RGS7: variants seen among roughly 807,000 people sequenced by gnomAD.
RGS7 encodes regulator of G protein signaling 7.
Under a neutral mutation model 81.1 loss-of-function variants are expected in RGS7, and 27 were observed. The observed-to-expected ratio is 0.33, with a 90% CI of 0.25 to 0.46. The LOEUF (loss-of-function observed/expected upper bound fraction) is 0.46. Among genes scored for constraint, RGS7 ranks in the 20% least tolerant of loss-of-function variants. RGS7 has a pLI of 1.00. For missense variants in RGS7, 396 were observed against 607.4 expected (o/e 0.65, Z 3.66); for synonymous variants, 208 against 207.7 (o/e 1.00, Z -0.01).
rs146587684 is a variant in RGS7 at position 241,211,101 on chromosome 1, A to T, written c.79-112339T>A. On this transcript the variant is annotated intron_variant, in intron 2 of 18. Transcript: ENST00000440928. Reference sequence around the variant, plus strand: ...GGAGTTCAAAACCAGCCTGGCCAACATGGTAAAACCCCATCTCTACTAAAA... The same window carrying T: ...GGAGTTCAAAACCAGCCTGGCCAACTTGGTAAAACCCCATCTCTACTAAAA... Among the ~76,000 whole-genome samples the T allele has an allele frequency of 9.1e-3, 1,383 of 152,256 alleles. 16 individuals carry two copies. Among genetic ancestry groups the T allele is most frequent in the Non-Finnish European group, 0.012 (806 of 68,016 alleles).
intron 2 of RGS7, among the ~76,000 whole-genome samples, chr1:241,254,198 CAAAAAAAAAAA>C (rs57205542): frequency 3.0e-4 from 19 of 64,364 alleles, no homozygotes; most frequent in Non-Finnish European, 5.1e-4. Context: ...GACTCCATCT[CAAAAAAAAAAA>C]AAAAAAAGAA....
intron 2 of RGS7, among the ~76,000 whole-genome samples, chr1:241,112,403 C>G (rs766279784): frequency 6.6e-6 from 1 of 151,906 alleles, no homozygotes; most frequent in Non-Finnish European, 1.5e-5. Flanking sequence ...CTGGCTTAGT[C>G]CATGAAACAA....
chr1:240,950,422 C>T (rs932725188), intron 4 of RGS7, among the ~76,000 whole-genome samples: 1 of 152,150 alleles, frequency 6.6e-6, no homozygotes, highest in African/African-American at 2.4e-5. Context: ...ACTACAGTCC[C>T]CTCTAGACTT....
chr1:241,127,547 T>TG (rs2066751113), intron 2 of RGS7, among the ~76,000 whole-genome samples: 2 of 151,798 alleles, frequency 1.3e-5, no homozygotes, highest in African/African-American at 2.4e-5. Context: ...TGTTGTGGCG[T>TG]GGGGGGAGCG....
At chr1:241,158,564 G>A (rs958294712) in intron 2 of RGS7, among the ~76,000 whole-genome samples, 3 of 152,182 alleles carry the variant, frequency 2.0e-5, no homozygotes, top group Admixed American at 1.3e-4. Context: ...AAGTGCAGCC[G>A]TGTTAATGTT....
chr1:240,879,090 C>G (rs1170723502), intron 6 of RGS7, among the ~76,000 whole-genome samples: 1 of 152,124 alleles, frequency 6.6e-6, no homozygotes, highest in African/African-American at 2.4e-5. Context: ...ATATTCCTAC[C>G]TTCATTCCAG....
rs528606729 is a variant in RGS7 at position 240,868,589 on chromosome 1, C to T, written c.607G>A (p.Val203Met). ...ERAFWDVHRPVPGCVNTTEVD... is the reference protein window; with the variant it reads ...ERAFWDVHRPMPGCVNTTEVD... ...ACGAGAGTGCGACGCTTGCTTACCA[C>T]GGGCCTGTGCACGTCCCAGAACGCT... The change falls in exon 9 of 19, where the codon GTG becomes ATG. Residue 203 changes from valine (V) to methionine (M), a missense_variant and splice_region_variant. Coordinates refer to ENST00000440928, the MANE Select transcript of RGS7 (RefSeq NM_001364886.1). The surrounding 1 kb of genome is among the most constrained non-coding windows in gnomAD (Gnocchi z 5.1). 14 of 1,613,974 alleles carry T rather than the reference C, an allele frequency of 8.7e-6. No individual in the cohort carries two copies. Among genetic ancestry groups the T allele is most frequent in the South Asian group, 6.6e-5 (6 of 91,076 alleles).
chr1:240,924,286 A>G (rs553859545), intron 6 of RGS7, among the ~76,000 whole-genome samples: 1 of 152,244 alleles, frequency 6.6e-6, no homozygotes, highest in South Asian at 2.1e-4. Flanking sequence ...TTTTATTATT[A>G]CTTTAGTATG....
intron 9 of RGS7, among the ~76,000 whole-genome samples, chr1:240,860,041 T>C (rs564357645): frequency 9.2e-5 from 14 of 152,336 alleles, no homozygotes; most frequent in African/African-American, 3.1e-4. Flanking sequence ...TCTAGTTTTA[T>C]ATCATTTTGG....
chr1:240,917,233 C>A (rs1672756784), intron 6 of RGS7, among the ~76,000 whole-genome samples: 1 of 152,048 alleles, frequency 6.6e-6, no homozygotes, highest in Non-Finnish European at 1.5e-5. Context: ...TGACAAAAGA[C>A]CTGCCTTGAA....
intron 2 of RGS7, among the ~76,000 whole-genome samples, chr1:241,128,963 T>C (rs1386725262): frequency 6.6e-6 from 1 of 152,160 alleles, no homozygotes; most frequent in African/African-American, 2.4e-5. Flanking sequence ...TTGATTATTA[T>C]ATTGATATCC....
chr1:241,062,302 T>C (rs928272722), intron 3 of RGS7, among the ~76,000 whole-genome samples: 2 of 152,202 alleles, frequency 1.3e-5, no homozygotes, highest in African/African-American at 4.8e-5. Context: ...ATCCCATCTC[T>C]CTTTGCTTCA....
intron 18 of RGS7, among the ~76,000 whole-genome samples, chr1:240,798,049 A>G (rs144231324): frequency 7.2e-4 from 109 of 152,316 alleles, no homozygotes; most frequent in Admixed American, 1.2e-3. Context: ...CTAATGCTCA[A>G]CAGCTGGAAG....
chr1:240,951,735 T>C (rs550026739), intron 4 of RGS7, among the ~76,000 whole-genome samples: 1 of 152,174 alleles, frequency 6.6e-6, no homozygotes, highest in East Asian at 1.9e-4. Context: ...AGAAGAAATA[T>C]TGAAATGATA....
intron 18 of RGS7, among the ~76,000 whole-genome samples, chr1:240,783,809 C>G (rs1684539630): frequency 6.6e-6 from 1 of 151,838 alleles, no homozygotes; most frequent in South Asian, 2.1e-4. Context: ...GCAATCCCTT[C>G]TTCACAAAGG....
chr1:241,099,201 A>AT, intron 2 of RGS7, among the ~76,000 whole-genome samples: 1 of 152,260 alleles, frequency 6.6e-6, no homozygotes, highest in East Asian at 1.9e-4. Context: ...AATTTCCGTG[A>AT]TTTTGTTTTA....
intron 2 of RGS7, among the ~76,000 whole-genome samples, chr1:241,224,736 T>C (rs938393455): frequency 6.6e-6 from 1 of 152,170 alleles, no homozygotes; most frequent in Non-Finnish European, 1.5e-5. Flanking sequence ...GTCTGTCCCC[T>C]TTAGCTCCTC....
chr1:241,165,123 G>A (rs909251767), intron 2 of RGS7, among the ~76,000 whole-genome samples: 5 of 152,172 alleles, frequency 3.3e-5, no homozygotes, highest in Non-Finnish European at 5.9e-5. Flanking sequence ...AACTAAATTG[G>A]TATATGACTT....
chr1:240,863,586 G>A (rs565497472), intron 9 of RGS7, among the ~76,000 whole-genome samples: 16 of 152,260 alleles, frequency 1.1e-4, no homozygotes, highest in African/African-American at 3.9e-4. Flanking sequence ...GACTTATCAG[G>A]CAGCCCTGTT....
Sources: allele counts gnomAD v4.1 joint callset (sites outside exome capture counted in the v4.1 genomes callset), GRCh38; gene constraint gnomAD v4.1.1; non-coding constraint Gnocchi (gnomAD v3.1); transcripts MANE v1.5; gene names NCBI Gene and HGNC (gene_info 2026-07-23, HGNC 2026-07-21).